The following RRM1 variants were observed in gnomAD, a reference collection of about 807,000 sequenced individuals.
RRM1 encodes ribonucleoside-diphosphate reductase large subunit.
A neutral mutation model predicts 101.5 loss-of-function variants in RRM1; 19 were observed. That is an observed-to-expected ratio of 0.19 (90% CI 0.13 to 0.27). The LOEUF (loss-of-function observed/expected upper bound fraction) is 0.27, where lower values mean the gene tolerates loss of function less well. Among genes scored for constraint, RRM1 ranks in the 10% least tolerant of loss-of-function variants. The probability of loss-of-function intolerance (pLI) is 1.00; values close to 1 mark genes in which losing one functional copy is unlikely to be tolerated. For missense variants in RRM1, 500 were observed against 962.9 expected, an observed-to-expected ratio of 0.52 and a Z score of 6.36; for synonymous variants, 298 against 323.4, an observed-to-expected ratio of 0.92 and a Z score of 0.84.
intron 6 of RRM1, 41 bp downstream of exon 6, chr11:4,111,681 T>C (rs1247246389): frequency 6.7e-7 from 1 of 1,498,166 alleles, no homozygotes; most frequent in East Asian, 2.3e-5. Context: ...TTTCTACTCA[T>C]TATATTGAAT....
intron 18 of RRM1, 38 bp from the exon 19 acceptor site, chr11:4,138,157 A>G (rs755600234): frequency 4.1e-6 from 5 of 1,217,782 alleles, no homozygotes; most frequent in East Asian, 2.4e-5. Flanking sequence ...GTATTCTCAC[A>G]GAGTTTCTCC....
At position 4,127,244 on chromosome 11, in the gene RRM1, A is replaced by C. The variant is rs1295465430; in HGVS notation, c.1680A>C (p.Pro560=). The change falls in exon 14 of 19, where the codon CCA becomes CCC. Residue 560 remains proline (P), a synonymous_variant. Transcript: ENST00000300738. The part of the protein sequence containing the change: ...QGPYETYEGS[P]VSKGILQYDM... Reference sequence around the variant, plus strand: ...CATACGAAACCTATGAGGGCTCTCCAGTTAGCAAAGGAGTAAGTATATGGA... The same window carrying C: ...CATACGAAACCTATGAGGGCTCTCCCGTTAGCAAAGGAGTAAGTATATGGA... The C allele has an allele frequency of 4.4e-6, 7 of 1,588,434 alleles. No individual in the cohort carries two copies. The African/African-American group carries it at 9.5e-5, about 22-fold the overall frequency.
intron 4 of RRM1, among the ~76,000 whole-genome samples, chr11:4,108,127 A>G (rs2094560699): frequency 6.6e-6 from 1 of 152,190 alleles, no homozygotes; most frequent in Non-Finnish European, 1.5e-5. Context: ...TGCTCAGGTA[A>G]AATTTTACAA....
At chr11:4,102,815 A>G (rs1333707848) in intron 2 of RRM1, among the ~76,000 whole-genome samples, 1 of 152,246 alleles carries the variant, frequency 6.6e-6, no homozygotes, top group Non-Finnish European at 1.5e-5. Context: ...CAAACTATTC[A>G]TAAACCAGTT....
At chr11:4,136,737 TGTTTG>T (rs1341437727) in intron 18 of RRM1, among the ~76,000 whole-genome samples, 6 of 13,022 alleles carry the variant, frequency 4.6e-4, no homozygotes, top group African/African-American at 5.5e-4. Flanking sequence ...TGTATTTTTT[TGTTTG>T]TTTGTTTGTT....
Position 4,132,145 on chromosome 11 carries a change from C to G in RRM1, c.1770-141C>G, listed in dbSNP as rs1217566849. 2 of 814,764 alleles carry G rather than the reference C, an allele frequency of 2.5e-6. No individual in the cohort carries two copies. Among genetic ancestry groups the G allele is most frequent in the Non-Finnish European group, 3.9e-6 (2 of 510,930 alleles). 50.5% of individuals were successfully genotyped at this position (814,764 alleles called of 1,614,324 possible). Reference sequence around the variant, plus strand: ...CCCTGTAGGAGTTTAATTTGAAAGTCAACGTGTGAGTTCAATGCATGTACG... The same window carrying G: ...CCCTGTAGGAGTTTAATTTGAAAGTGAACGTGTGAGTTCAATGCATGTACG... On this transcript the variant is annotated intron_variant, in intron 15 of 18. Coordinates refer to ENST00000300738, the MANE Select transcript of RRM1 (RefSeq NM_001033.5). This position sits in a 1 kb window ranked among gnomAD's most constrained non-coding sequence, Gnocchi z 4.1.
intron 15 of RRM1, among the ~76,000 whole-genome samples, chr11:4,131,363 G>A (rs2094599928): frequency 6.6e-6 from 1 of 152,154 alleles, no homozygotes; most frequent in Non-Finnish European, 1.5e-5. Context: ...GATTTGGGTG[G>A]GGACACAGCC....
At chr11:4,120,502 C>G (rs576643271) in intron 9 of RRM1, among the ~76,000 whole-genome samples, 1 of 152,050 alleles carries the variant, frequency 6.6e-6, no homozygotes, top group East Asian at 1.9e-4. Flanking sequence ...GTAGCTCAGA[C>G]TATAGGCCTG....
intron 1 of RRM1, among the ~76,000 whole-genome samples, chr11:4,100,062 A>G (rs2094549058): frequency 6.6e-6 from 1 of 152,166 alleles, no homozygotes; most frequent in Non-Finnish European, 1.5e-5. Context: ...CAGTTAATTT[A>G]CCCCATTTCA....
At chr11:4,125,468 A>G (rs761338802) in intron 12 of RRM1, among the ~76,000 whole-genome samples, 1 of 152,114 alleles carries the variant, frequency 6.6e-6, no homozygotes, top group African/African-American at 2.4e-5. Flanking sequence ...CAGAGTTCTT[A>G]CAGTGCCCTA....
At chr11:4,136,180 A>ATGG (rs1565191648) in intron 18 of RRM1, among the ~76,000 whole-genome samples, 2 of 152,200 alleles carry the variant, frequency 1.3e-5, no homozygotes, top group African/African-American at 4.8e-5. Context: ...CCAAGTTTAA[A>ATGG]AAAAGTTTGA....
At chr11:4,105,663 C>T (rs775607938) in intron 2 of RRM1, 8 of 415,946 alleles carry the variant, frequency 1.9e-5, no homozygotes, top group African/African-American at 8.9e-5. Flanking sequence ...TCATTGCAGC[C>T]TCAGCTTCCC....
chr11:4,138,376 G>C lies in RRM1; in HGVS notation c.2372G>C (p.Gly791Ala), dbSNP rs1590738830. 1 of 1,601,280 alleles carries C rather than the reference G, an allele frequency of 6.2e-7. No individual in the cohort carries two copies. Reference sequence around the variant, plus strand: ...AATAGAGATGAATGTCTGATGTGTGGATCCTGAGGAAAGACTTGGAAGAGA... The same window carrying C: ...AATAGAGATGAATGTCTGATGTGTGCATCCTGAGGAAAGACTTGGAAGAGA... The part of the protein sequence containing the change: ...LENRDECLMC[G>A]S Residue 791 changes from glycine (G) to alanine (A), a missense_variant, in exon 19 of 19, where the codon GGA (glycine) becomes GCA (alanine). Gly to Ala is a moderately conservative substitution (Grantham distance 60, BLOSUM62 0). This residue lies in a region of RRM1 where 33 missense variants were observed against 40.7 expected (regional missense o/e 0.81). Coordinates refer to ENST00000300738, the MANE Select transcript of RRM1 (RefSeq NM_001033.5).
chr11:4,134,784 G>A (rs1475854630), intron 17 of RRM1, among the ~76,000 whole-genome samples: 2 of 152,082 alleles, frequency 1.3e-5, no homozygotes, highest in South Asian at 4.1e-4. Context: ...GCCTCTAGAA[G>A]AATGAATGTT....
chr11:4,125,832 C>T (rs375371660), intron 12 of RRM1, among the ~76,000 whole-genome samples: 209 of 152,226 alleles, frequency 1.4e-3, no homozygotes, highest in African/African-American at 4.9e-3. Flanking sequence ...TTCTGTGATT[C>T]AAGCTATATT....
At chr11:4,122,654 T>C (rs975729837) in intron 11 of RRM1, among the ~76,000 whole-genome samples, 4 of 152,078 alleles carry the variant, frequency 2.6e-5, no homozygotes, top group Non-Finnish European at 5.9e-5. Context: ...AGGTGGATCA[T>C]TTGAGGTCAG....
intron 1 of RRM1, among the ~76,000 whole-genome samples, chr11:4,098,904 A>G (rs2094547095): frequency 6.6e-6 from 1 of 152,242 alleles, no homozygotes; most frequent in Non-Finnish European, 1.5e-5. Flanking sequence ...TTGGGTAGCC[A>G]GGAAAGGCTT....
chr11:4,130,086 A>ATATATATATATATTTTTTTTT (rs1202870487), intron 15 of RRM1, among the ~76,000 whole-genome samples: 1 of 99,482 alleles, frequency 1.0e-5, no homozygotes, highest in African/African-American at 5.4e-5. Context: ...ATATATATAT[A>ATATATATATATATTTTTTTTT]TTTTTTTTTT....
At chr11:4,100,851 CTGAT>C (rs58415878) in intron 1 of RRM1, among the ~76,000 whole-genome samples, 7,736 of 152,190 alleles carry the variant, frequency 0.051, 211 homozygotes, top group South Asian at 0.08. Context: ...TGTGAAATGA[CTGAT>C]TGTGTTTTGT....
Sources: allele counts gnomAD v4.1 joint callset (sites outside exome capture counted in the v4.1 genomes callset), GRCh38; gene constraint gnomAD v4.1.1; regional missense constraint gnomAD v4.1.1; non-coding constraint Gnocchi (gnomAD v3.1); transcripts MANE v1.5; gene names NCBI Gene and HGNC (gene_info 2026-07-23, HGNC 2026-07-21).